Variants in TMUB2 observed in about 807,000 individuals in gnomAD.
TMUB2 encodes the protein transmembrane and ubiquitin like domain containing 2.
Under a neutral mutation model 20.2 loss-of-function variants are expected in TMUB2, and 19 were observed. The observed-to-expected ratio is 0.94, with a 90% CI of 0.66 to 1.38. The LOEUF is 1.38. Ranked by LOEUF, TMUB2 falls within the 40% of genes most tolerant of loss-of-function variation. TMUB2 has a pLI of 0.00. For missense variants in TMUB2, 426 were observed against 402.5 expected (o/e 1.06, Z -0.50); for synonymous variants, 186 against 166.0 (o/e 1.12, Z -0.92).
intron 2 of TMUB2, among the ~76,000 whole-genome samples, chr17:44,188,417 T>G (rs2054805240): frequency 6.6e-6 from 1 of 152,006 alleles, no homozygotes; most frequent in South Asian, 2.1e-4. Context: ...CCCTACAGAG[T>G]TATCGTTTTA....
chr17:44,187,840 T>G (rs1254571373), intron 2 of TMUB2, 97 bp downstream of exon 2: 1 of 703,104 alleles, frequency 1.4e-6, no homozygotes, highest in African/African-American at 1.8e-5. Flanking sequence ...AAGACTGGGG[T>G]TATAATTAGT....
chr17:44,190,397 C>A, intron 3 of TMUB2, 104 bp from the exon 4 acceptor site: 28 of 1,047,256 alleles, frequency 2.7e-5, no homozygotes, highest in Non-Finnish European at 3.4e-5. Flanking sequence ...AAAAAAAAAT[C>A]CACCCTCCAG....
At position 44,191,727 on chromosome 17, in the gene TMUB2, C is replaced by T; in HGVS notation, c.*863C>T. On this transcript the variant is annotated 3_prime_UTR_variant, in exon 4 of 4. Coordinates refer to ENST00000538716, the MANE Select transcript of TMUB2 (RefSeq NM_001076674.3). The stretch of plus-strand genomic sequence containing the variant: ...CTGAATAAAGTTCCATTTTGTGGTC[C>T]TGCAGCCTCTTTCTGTGACAGAGAA... The T allele has an allele frequency of 1.0e-6, 1 of 985,672 alleles. No homozygotes were observed. The highest frequency in any genetic ancestry group is 1.2e-6 in the Non-Finnish European group (1 of 829,956). 61.1% of individuals were successfully genotyped at this position (985,672 alleles called of 1,614,324 possible).
intron 3 of TMUB2, 118 bp from the exon 4 acceptor site, chr17:44,190,382 GA>G: frequency 1.7e-6 from 1 of 592,484 alleles, no homozygotes. Context: ...GGATAAAGAT[GA>G]GGGAAAAAAA....
chr17:44,187,954 C>T (rs1427262028), intron 2 of TMUB2: 2 of 581,276 alleles, frequency 3.4e-6, no homozygotes, highest in Non-Finnish European at 6.2e-6. Context: ...CACTTCAGTA[C>T]CAAGAGAAAT....
Position 44,187,666 on chromosome 17 carries a change from C to G in TMUB2, c.-33-10C>G. ...AATTACTACCGTTATTAAGCAATTG[C>G]AATTTGCAGTGTGCCAGGCACTGTG... On this transcript the variant is annotated splice_polypyrimidine_tract_variant and intron_variant, in intron 1 of 3. Coordinates refer to ENST00000538716, the MANE Select transcript of TMUB2 (RefSeq NM_001076674.3). 1 of 718,160 alleles carries G rather than the reference C, an allele frequency of 1.4e-6. No homozygotes were observed. Among genetic ancestry groups the G allele is most frequent in the East Asian group, 2.7e-5 (1 of 37,258 alleles). The allele number at this position is 718,160 out of a possible 1,614,324, so 44.5% of individuals were successfully genotyped here.
At chr17:44,188,871 C>A in intron 2 of TMUB2, 151 bp from the exon 3 acceptor site, 1 of 1,342,146 alleles carries the variant, frequency 7.5e-7, no homozygotes, top group Non-Finnish European at 9.7e-7. Context: ...GGTTGGGGTG[C>A]CGGAATTAGG....
Position 44,191,626 on chromosome 17 carries a change from A to T in TMUB2, c.*762A>T, listed in dbSNP as rs529411400. On this transcript the variant is annotated 3_prime_UTR_variant, in exon 4 of 4. Coordinates refer to ENST00000538716, the MANE Select transcript of TMUB2 (RefSeq NM_001076674.3). ...CCTTGGCCAGCGTCCTACCCTGCCC[A>T]ACTCCAAGGACTGGGTATGGATTGC... 1.4e-5 allele frequency: 14 copies of T among 985,830 alleles called. No individual in the cohort carries two copies. In the South Asian group the frequency reaches 5.6e-4, roughly 40 times the overall value. The allele number at this position is 985,830 out of a possible 1,614,324, so 61.1% of individuals were successfully genotyped here. A position where few individuals can be genotyped will look rare whatever the true frequency, so the allele number is the denominator to read the frequency against.
intron 1 of TMUB2, 89 bp from the exon 2 acceptor site, chr17:44,187,587 G>T: frequency 1.5e-6 from 1 of 684,212 alleles, no homozygotes; most frequent in Admixed American, 2.1e-5. Context: ...TGTAAATCAT[G>T]GTTAATAACA....
intron 3 of TMUB2, chr17:44,189,979 C>A: frequency 5.8e-6 from 1 of 172,742 alleles, no homozygotes; most frequent in Non-Finnish European, 1.2e-5. Flanking sequence ...CCACTGCACT[C>A]CAGCCTGGGC....
Position 44,189,290 on chromosome 17 carries a change from C to A in TMUB2, c.304C>A (p.Pro102Thr). The A allele has an allele frequency of 6.2e-7, 1 of 1,602,142 alleles. No homozygotes were observed. The highest frequency in any genetic ancestry group is 8.5e-7 in the Non-Finnish European group (1 of 1,173,190). Residue 102 changes from proline to threonine, a missense_variant, in exon 3 of 4, where the codon CCA becomes ACA. Coordinates refer to ENST00000538716, the MANE Select transcript of TMUB2 (RefSeq NM_001076674.3). The stretch of plus-strand genomic sequence containing the variant: ...CCCCGAGCCAACTGAACTCCCCCAT[C>A]CATCAGAGGGTAATGATGAGAAGGC... ...GNPEPTELPH[P>T]SEGNDEKAEE...
chr17:44,188,753 G>C (rs1567746797), intron 2 of TMUB2: 5 of 389,430 alleles, frequency 1.3e-5, no homozygotes, highest in Admixed American at 1.3e-4. Context: ...GGCTTTTCCT[G>C]CTGATCCACA....
In TMUB2 at chr17:44,188,812, G is replaced by A. The variant is rs142871071; in HGVS notation, c.36-210G>A. ...GAGAGGAAGGTCACAGAACGTGAAA[G>A]CAAGAGTTTCACAATAGAGGCAAAG... On this transcript the variant is annotated intron_variant, in intron 2 of 3. Coordinates refer to ENST00000538716, the MANE Select transcript of TMUB2 (RefSeq NM_001076674.3). The A allele has an allele frequency of 6.2e-5, 45 of 720,886 alleles. No homozygotes were observed. In the East Asian group the frequency reaches 1.3e-3, roughly 21 times the overall value. 44.7% of individuals were successfully genotyped at this position (720,886 alleles called of 1,614,324 possible).
At position 44,190,598 on chromosome 17, in the gene TMUB2, G is replaced by T; in HGVS notation, c.700G>T (p.Asp234Tyr). 6.2e-7 allele frequency: 1 copy of T among 1,614,134 alleles called. No homozygotes were observed. Among genetic ancestry groups the T allele is most frequent in the Non-Finnish European group, 8.5e-7 (1 of 1,180,028 alleles). The change falls in exon 4 of 4, where the codon GAC becomes TAC. Residue 234 changes from aspartate (D) to tyrosine (Y), a missense_variant. By Grantham distance (160) the Asp-to-Tyr change is radical. Coordinates refer to ENST00000538716, the MANE Select transcript of TMUB2 (RefSeq NM_001076674.3). ...CACACTGCGTTCTCTGAACATTACCGACAACTGTGTGATTCACTGCCACCG... is the reference window on the plus strand; with the variant it reads ...CACACTGCGTTCTCTGAACATTACCTACAACTGTGTGATTCACTGCCACCG... ...ARTLRSLNIT[D>Y]NCVIHCHRSP... is the part of the protein sequence containing the mutation.
intron 2 of TMUB2, chr17:44,188,740 G>A: frequency 2.7e-6 from 1 of 363,870 alleles, no homozygotes; most frequent in Non-Finnish European, 4.9e-6. Flanking sequence ...CAGCAAGGCT[G>A]TGGGCTTTTC....
rs2055432931 is a variant in TMUB2 at position 44,190,762 on chromosome 17, C to G, written c.864C>G (p.Phe288Leu). Residue 288 changes from phenylalanine (F) to leucine (L), a missense_variant, in exon 4 of 4, where the codon TTC becomes TTG. Physicochemically the swap from Phe to Leu is conservative, Grantham distance 22. Transcript: ENST00000538716. ...TGCTGTTGGGTGTGGTCTGGTACTTCCGAATCAATTACCGCCAATTCTTCA... is the reference window on the plus strand; with the variant it reads ...TGCTGTTGGGTGTGGTCTGGTACTTGCGAATCAATTACCGCCAATTCTTCA... ...FVVLLGVVWY[F>L]RINYRQFFTA... The G allele has an allele frequency of 6.2e-7, 1 of 1,614,120 alleles. No homozygotes were observed. Among genetic ancestry groups the G allele is most frequent in the Non-Finnish European group, 8.5e-7 (1 of 1,180,052 alleles).
rs1294475417 is a variant in TMUB2 at position 44,190,741 on chromosome 17, G to A, written c.843G>A (p.Leu281=). The A allele has an allele frequency of 6.2e-7, 1 of 1,614,246 alleles. No individual in the cohort carries two copies. The highest frequency in any genetic ancestry group is 1.3e-5 in the African/African-American group (1 of 75,064). Residue 281 remains leucine (L), a synonymous_variant, in exon 4 of 4, where the codon CTG becomes CTA. Coordinates refer to ENST00000538716, the MANE Select transcript of TMUB2 (RefSeq NM_001076674.3). ...TCATGGTGCCTGTCTTTGTGGTGCT[G>A]TTGGGTGTGGTCTGGTACTTCCGAA... ...GSLMVPVFVV[L]LGVVWYFRIN...
chr17:44,191,455 AT>A lies in TMUB2; in HGVS notation c.*595del, dbSNP rs925464885. ...CCTTCTTTCAAAGCACTTTGCTTGC[AT>A]TTTATTTTATTTTTTTAAGAGTCCT... On this transcript the variant is annotated 3_prime_UTR_variant, in exon 4 of 4. Coordinates refer to ENST00000538716, the MANE Select transcript of TMUB2 (RefSeq NM_001076674.3). The A allele has an allele frequency of 2.0e-6, 2 of 985,600 alleles. No individual in the cohort carries two copies. The highest frequency in any genetic ancestry group is 3.5e-5 in the African/African-American group (2 of 57,142). 61.1% of individuals were successfully genotyped at this position (985,600 alleles called of 1,614,324 possible).
rs1028470410 is a variant in TMUB2, at chr17:44,191,799, C to T, written c.*935C>T. Reference sequence around the variant, plus strand: ...AAAATGGTAATGAGAGTAGGTAGGCCGGGGCTACCAACGGGAGATGCAGTT... The same window carrying T: ...AAAATGGTAATGAGAGTAGGTAGGCTGGGGCTACCAACGGGAGATGCAGTT... On this transcript the variant is annotated 3_prime_UTR_variant, in exon 4 of 4. Transcript: ENST00000538716. The T allele has an allele frequency of 1.3e-5, 12 of 940,052 alleles. No homozygotes were observed. The highest frequency in any genetic ancestry group is 5.4e-4 in the Middle Eastern group (1 of 1,850). 58.2% of individuals were successfully genotyped at this position (940,052 alleles called of 1,614,324 possible).
Sources: allele counts gnomAD v4.1 joint callset (sites outside exome capture counted in the v4.1 genomes callset), GRCh38; gene constraint gnomAD v4.1.1; transcripts MANE v1.5; gene names NCBI Gene and HGNC (gene_info 2026-07-23, HGNC 2026-07-21).